DAPK2: variants seen among roughly 807,000 people sequenced by gnomAD.
DAPK2 encodes the protein death associated protein kinase 2, also known as death-associated protein kinase 2.
DAPK2 carries 35 observed loss-of-function variants against 44.1 expected under a neutral mutation model. That is an observed-to-expected ratio of 0.79 (90% CI 0.61 to 1.05). The LOEUF is 1.05. Ranked by LOEUF, DAPK2 falls within the 50% of genes least tolerant of loss-of-function variation. The probability of loss-of-function intolerance (pLI) is 0.00; values close to 1 mark genes in which losing one functional copy is unlikely to be tolerated. For synonymous variants in DAPK2, 174 were observed against 182.6 expected (o/e 0.95, Z 0.38); for missense variants, 453 against 483.2 (o/e 0.94, Z 0.59).
intron 8 of DAPK2, among the ~76,000 whole-genome samples, chr15:63,913,616 T>G (rs1341846707): frequency 6.6e-6 from 1 of 152,188 alleles, no homozygotes; most frequent in Non-Finnish European, 1.5e-5. Context: ...CTCCTAACCA[T>G]GCTCGGAGCA....
intron 1 of DAPK2, among the ~76,000 whole-genome samples, chr15:64,028,842 AG>A (rs149946434): frequency 5.3e-4 from 81 of 152,228 alleles, no homozygotes; most frequent in African/African-American, 1.8e-3. Flanking sequence ...AAGGGGAAAG[AG>A]AGAGAGAGAA....
At chr15:63,929,413 G>C in intron 6 of DAPK2, 138 bp downstream of exon 7, 2 of 1,113,868 alleles carry the variant, frequency 1.8e-6, no homozygotes, top group Non-Finnish European at 2.6e-6. Flanking sequence ...TTAGCCTCAG[G>C]CTTGCTGTGT....
At chr15:64,019,127 A>C (rs1204948450) in intron 1 of DAPK2, among the ~76,000 whole-genome samples, 1 of 152,142 alleles carries the variant, frequency 6.6e-6, no homozygotes, top group Non-Finnish European at 1.5e-5. Context: ...AAGTCTAGTC[A>C]ATCCTCCAGA....
At position 63,912,349 on chromosome 15, in the gene DAPK2, C is replaced by G; in HGVS notation, c.859-152G>C. ...GGTGGGGCACACCGTGGGAGCATCA[C>G]AGTCAGGGCAACAGCTACACATGTC... On this transcript the variant is annotated intron_variant, in intron 8 of 10. Transcript: ENST00000261891. This position sits in a 1 kb window ranked among gnomAD's most constrained non-coding sequence, Gnocchi z 4.4. The G allele has an allele frequency of 2.9e-6, 2 of 698,546 alleles. No homozygotes were observed. Among genetic ancestry groups the G allele is most frequent in the East Asian group, 2.7e-5 (1 of 37,174 alleles). The allele number at this position is 698,546 out of a possible 1,614,324, so 43.3% of individuals were successfully genotyped here.
At position 64,020,226 on chromosome 15, in the gene DAPK2, C is replaced by G. The variant is rs2079645964; in HGVS notation, c.92+19944G>C. 6.6e-6 allele frequency among the ~76,000 whole-genome samples: 1 copy of G among 152,222 alleles called. No individual in the cohort carries two copies. The highest frequency in any genetic ancestry group is 1.5e-5 in the Non-Finnish European group (1 of 68,042). ...AAAGGAAACTGAGGACTTGCCTAAG[C>G]ACAGGCAGCTCCAGAGCCAAAGCCA... On this transcript the variant is annotated intron_variant, in intron 1 of 10. Coordinates refer to ENST00000261891, the Ensembl canonical transcript of DAPK2. This position sits in a 1 kb window ranked among gnomAD's most constrained non-coding sequence, Gnocchi z 4.5.
chr15:64,045,748 C>A (rs985083964), intron 1 of DAPK2, among the ~76,000 whole-genome samples: 23 of 152,222 alleles, frequency 1.5e-4, no homozygotes, highest in Admixed American at 1.4e-3. Context: ...CCTTCCAAGC[C>A]GTTCCACCCC....
chr15:64,044,351 T>C, upstream of DAPK2, among the ~76,000 whole-genome samples: 1 of 152,162 alleles, frequency 6.6e-6, no homozygotes, highest in East Asian at 1.9e-4. Context: ...GATCATCTAT[T>C]TAGGGATTTT....
chr15:63,957,190 G>C (rs1398930664), intron 3 of DAPK2, among the ~76,000 whole-genome samples: 8 of 152,086 alleles, frequency 5.3e-5, no homozygotes, highest in Admixed American at 5.2e-4. Context: ...TCTCTCTAAA[G>C]TTTTTATCCT....
chr15:63,922,684 A>G, intron 8 of DAPK2: 2 of 1,471,554 alleles, frequency 1.4e-6, no homozygotes, highest in Non-Finnish European at 1.8e-6. Flanking sequence ...GGTGGATGAG[A>G]ACATGCTTCT....
chr15:63,921,721 C>T (rs901761336), intron 8 of DAPK2: 4 of 152,230 alleles, frequency 2.6e-5, no homozygotes, highest in African/African-American at 9.7e-5. Flanking sequence ...AGAAAAGGAA[C>T]CTCCTGTTGA....
At chr15:63,945,593 T>C (rs1378810523) in intron 3 of DAPK2, among the ~76,000 whole-genome samples, 1 of 152,134 alleles carries the variant, frequency 6.6e-6, no homozygotes, top group East Asian at 1.9e-4. Flanking sequence ...GCTTCTCTGC[T>C]TCCACCCTCC....
chr15:63,912,090 C>T lies in DAPK2; in HGVS notation c.948+18G>A. ...CTAGCCCCCACCCTGTCCCCCGCCGCCCCAACCCTGGACACACCTTCCACC... is the reference window on the plus strand; with the variant it reads ...CTAGCCCCCACCCTGTCCCCCGCCGTCCCAACCCTGGACACACCTTCCACC... On this transcript the variant is annotated intron_variant, in intron 9 of 10. Coordinates refer to ENST00000261891, the Ensembl canonical transcript of DAPK2. This position sits in a 1 kb window ranked among gnomAD's most constrained non-coding sequence, Gnocchi z 4.4. 2 of 1,611,342 alleles carry T rather than the reference C, an allele frequency of 1.2e-6. No individual in the cohort carries two copies. Among genetic ancestry groups the T allele is most frequent in the Non-Finnish European group, 1.7e-6 (2 of 1,178,904 alleles).
chr15:63,931,543 C>G (rs931791768), intron 4 of DAPK2, among the ~76,000 whole-genome samples: 1 of 152,132 alleles, frequency 6.6e-6, no homozygotes, highest in Non-Finnish European at 1.5e-5. Context: ...TGAGTCTGGT[C>G]TGAAAGAGGG....
At chr15:63,974,828 G>T (rs1029987328) in intron 2 of DAPK2, among the ~76,000 whole-genome samples, 7 of 152,084 alleles carry the variant, frequency 4.6e-5, no homozygotes, top group African/African-American at 1.7e-4. Context: ...TTTCTTTCAG[G>T]GCCTGCTATT....
chr15:63,924,844 T>C, exon 8 of DAPK2: 1 of 1,614,204 alleles, frequency 6.2e-7, no homozygotes, highest in Non-Finnish European at 8.5e-7. Context: ...GAGAGCCTCT[T>C]GGATTGTGAG....
chr15:63,943,765 A>G (rs968928719), intron 3 of DAPK2, among the ~76,000 whole-genome samples: 4 of 152,096 alleles, frequency 2.6e-5, no homozygotes, highest in African/African-American at 9.7e-5. Context: ...AGTTGCCACT[A>G]CTCAGGAGGC....
chr15:63,945,880 C>T (rs971437164), intron 3 of DAPK2, among the ~76,000 whole-genome samples: 4 of 152,172 alleles, frequency 2.6e-5, no homozygotes, highest in African/African-American at 7.2e-5. Context: ...GTCTCCTGGC[C>T]CCAGGTCAGG....
At chr15:64,042,351 T>A (rs1030965171), upstream of DAPK2, among the ~76,000 whole-genome samples, 23 of 151,454 alleles carry the variant, frequency 1.5e-4, no homozygotes, top group Admixed American at 1.2e-3. This position sits in a 1 kb window ranked among gnomAD's most constrained non-coding sequence, Gnocchi z 4.7. Context: ...TTCTTTTCAA[T>A]GGAAAAAAAA....
chr15:64,007,590 C>A (rs1370263835), intron 1 of DAPK2, among the ~76,000 whole-genome samples: 1 of 152,166 alleles, frequency 6.6e-6, no homozygotes, highest in Admixed American at 6.5e-5. Flanking sequence ...TCCCAAAATC[C>A]CCTTGGATAG....
Sources: gnomAD v4.1 joint callset for allele counts (sites outside exome capture counted in the v4.1 genomes callset) on GRCh38, gnomAD v4.1.1 for gene constraint, Gnocchi (gnomAD v3.1) non-coding constraint, MANE v1.5 for transcripts, NCBI Gene and HGNC (gene_info 2026-07-23, HGNC 2026-07-21) for gene names.